CATSPERE: variants seen among roughly 807,000 people sequenced by gnomAD.
The protein encoded by CATSPERE is cation channel sperm-associated auxiliary subunit epsilon.
In CATSPERE, 93 loss-of-function variants were observed where a neutral mutation model predicts 114.1. That is an observed-to-expected ratio of 0.81 (90% CI 0.69 to 0.97). CATSPERE has a LOEUF of 0.97. Ranked by LOEUF, CATSPERE falls within the 50% of genes least tolerant of loss-of-function variation. The probability of loss-of-function intolerance (pLI) is 0.00; values close to 1 mark genes in which losing one functional copy is unlikely to be tolerated. For synonymous variants in CATSPERE, 341 were observed against 384.1 expected (o/e 0.89, Z 1.31); for missense variants, 1,058 against 1,131.6 (o/e 0.93, Z 0.93).
chr1:244,516,284 A>C (rs576709128), intron 7 of CATSPERE, among the ~76,000 whole-genome samples: 8 of 152,166 alleles, frequency 5.3e-5, no homozygotes, highest in Non-Finnish European at 8.8e-5. Context: ...GTAATAACAT[A>C]AATTGGTATA....
At chr1:244,538,615 A>G (rs182192024) in intron 8 of CATSPERE, among the ~76,000 whole-genome samples, 148 of 152,300 alleles carry the variant, frequency 9.7e-4, no homozygotes, top group Non-Finnish European at 1.7e-3. Flanking sequence ...GCCATATTCA[A>G]AGGGTAAGAG....
chr1:244,494,044 C>T (rs541438253), intron 6 of CATSPERE, among the ~76,000 whole-genome samples: 21 of 152,170 alleles, frequency 1.4e-4, no homozygotes, highest in African/African-American at 4.8e-4. Flanking sequence ...GTCAGTGTGG[C>T]GATTCCTCAG....
chr1:244,537,496 A>T (rs78062312), intron 8 of CATSPERE, among the ~76,000 whole-genome samples: 1 of 152,172 alleles, frequency 6.6e-6, no homozygotes, highest in Admixed American at 6.5e-5. Flanking sequence ...GCTTCATAGA[A>T]TGAGTTGGGA....
intron 10 of CATSPERE, among the ~76,000 whole-genome samples, chr1:244,562,024 C>T (rs10927262): frequency 0.19 from 29,454 of 151,502 alleles, 4,229 homozygotes; most frequent in East Asian, 0.41. Flanking sequence ...TGGTGGTACA[C>T]GCCTGTGGTC....
intron 2 of CATSPERE, among the ~76,000 whole-genome samples, chr1:244,468,954 T>A (rs1668032121): frequency 6.6e-6 from 1 of 152,126 alleles, no homozygotes; most frequent in Admixed American, 6.6e-5. Flanking sequence ...ATGTACAGAA[T>A]ACCAGAGATT....
intron 7 of CATSPERE, among the ~76,000 whole-genome samples, chr1:244,503,083 C>G (rs1237220114): frequency 2.6e-5 from 4 of 150,966 alleles, no homozygotes; most frequent in African/African-American, 7.4e-5. Flanking sequence ...ATGGGAGATT[C>G]TATCAGGTTA....
chr1:244,526,279 C>T (rs1197833069), intron 8 of CATSPERE, among the ~76,000 whole-genome samples: 4 of 151,994 alleles, frequency 2.6e-5, no homozygotes, highest in African/African-American at 9.7e-5. Context: ...CATGGTGGCA[C>T]ACACCTGTAG....
At chr1:244,563,135 T>C (rs1401653680) in intron 10 of CATSPERE, among the ~76,000 whole-genome samples, 1 of 152,230 alleles carries the variant, frequency 6.6e-6, no homozygotes, top group Non-Finnish European at 1.5e-5. Flanking sequence ...AGTCTATCAC[T>C]GATGGGCATT....
At chr1:244,536,418 G>T (rs1172676743) in intron 8 of CATSPERE, among the ~76,000 whole-genome samples, 2 of 152,222 alleles carry the variant, frequency 1.3e-5, no homozygotes, top group Admixed American at 1.3e-4. Flanking sequence ...GGCAAGGTCT[G>T]CCAAAACCCA....
chr1:244,509,253 G>A (rs1261130485), intron 7 of CATSPERE, among the ~76,000 whole-genome samples: 1 of 150,502 alleles, frequency 6.6e-6, no homozygotes, highest in Non-Finnish European at 1.5e-5. Context: ...TTCCTTCTAT[G>A]CCTAATTTGT....
chr1:244,454,843 G>A (rs370173415), intron 1 of CATSPERE, among the ~76,000 whole-genome samples: 1 of 152,148 alleles, frequency 6.6e-6, no homozygotes, highest in African/African-American at 2.4e-5. Context: ...ACCCCTATAA[G>A]CCTGCTTTTC....
At chr1:244,470,472 C>T (rs1354107966) in intron 2 of CATSPERE, among the ~76,000 whole-genome samples, 8 of 152,212 alleles carry the variant, frequency 5.3e-5, no homozygotes, top group Non-Finnish European at 4.4e-5. Context: ...GATACTACTT[C>T]GCACCCGCTC....
At chr1:244,605,018 G>A (rs908246203) in intron 17 of CATSPERE, among the ~76,000 whole-genome samples, 12 of 152,122 alleles carry the variant, frequency 7.9e-5, no homozygotes, top group African/African-American at 2.9e-4. Context: ...GGCTAGGTGT[G>A]ACTATAGATC....
chr1:244,483,894 T>G (rs1333586365), intron 5 of CATSPERE, among the ~76,000 whole-genome samples: 1 of 152,162 alleles, frequency 6.6e-6, no homozygotes, highest in African/African-American at 2.4e-5. Context: ...TTCAAGATCA[T>G]AAGGATTTCT....
chr1:244,543,923 C>G (rs1358445868), intron 8 of CATSPERE, among the ~76,000 whole-genome samples: 1 of 152,006 alleles, frequency 6.6e-6, no homozygotes, highest in Non-Finnish European at 1.5e-5. Flanking sequence ...TGGCTCCTCT[C>G]TTAAATATTA....
At position 244,621,266 on chromosome 1, in the gene CATSPERE, TATAG is replaced by T. The variant is rs1306644414; in HGVS notation, c.2648+3584_2648+3587del. On this transcript the variant is annotated intron_variant, in intron 20 of 21. Transcript: ENST00000366534. ...AGATATATTTATATAGATATATTTATATAGATATATCTATATAGATATATCTATA... is the reference window on the plus strand; with the variant it reads ...AGATATATTTATATAGATATATTTATATATATCTATATAGATATATCTATA... Among the ~76,000 whole-genome samples the T allele has an allele frequency of 2.2e-3, 261 of 119,610 alleles. 44 individuals carry two copies. Among genetic ancestry groups the T allele is most frequent in the Non-Finnish European group, 3.0e-3 (169 of 57,054 alleles). 78.5% of individuals were successfully genotyped at this position (119,610 alleles called of 152,430 possible). A position where few individuals can be genotyped will look rare whatever the true frequency, so the allele number is the denominator to read the frequency against.
chr1:244,530,850 A>G (rs1010501879), intron 8 of CATSPERE, among the ~76,000 whole-genome samples: 1 of 152,092 alleles, frequency 6.6e-6, no homozygotes, highest in Non-Finnish European at 1.5e-5. Context: ...TGATTTTTAT[A>G]TGTTGATTTT....
intron 8 of CATSPERE, among the ~76,000 whole-genome samples, chr1:244,528,825 A>ACACACACACACACACACACACACT (rs1471635883): frequency 2.7e-5 from 4 of 147,282 alleles, no homozygotes; most frequent in African/African-American, 1.0e-4. Flanking sequence ...ACACACACAC[A>ACACACACACACACACACACACACT]CTCTACTCTT....
chr1:244,640,175 C>A lies in CATSPERE; in HGVS notation c.*94C>A. 2.0e-6 allele frequency: 2 copies of A among 1,002,812 alleles called. No homozygotes were observed. The highest frequency in any genetic ancestry group is 2.8e-5 in the East Asian group (1 of 36,060). The allele number at this position is 1,002,812 out of a possible 1,614,324, so 62.1% of individuals were successfully genotyped here. A position where few individuals can be genotyped will look rare whatever the true frequency, so the allele number is the denominator to read the frequency against. The stretch of plus-strand genomic sequence containing the variant: ...AGAGTGTGTGTTTGACCAAGAAATA[C>A]TAAATATAAGCTCGTAGTAGGCATC... On this transcript the variant is annotated 3_prime_UTR_variant, in exon 22 of 22. Transcript: ENST00000366534.
Sources: allele counts gnomAD v4.1 joint callset (sites outside exome capture counted in the v4.1 genomes callset), GRCh38; gene constraint gnomAD v4.1.1; transcripts MANE v1.5; gene names NCBI Gene and HGNC (gene_info 2026-07-23, HGNC 2026-07-21).